Variants in NALF1 observed in about 807,000 individuals in gnomAD.
NALF1 encodes NALCN channel auxiliary factor 1, also known as family with sequence similarity 155 member A.
A neutral mutation model predicts 48.4 loss-of-function variants in NALF1; 3 were observed. The observed-to-expected ratio is 0.06, with a 90% confidence interval of 0.03 to 0.16. The LOEUF (loss-of-function observed/expected upper bound fraction) is 0.16, where lower values mean the gene tolerates loss of function less well. NALF1 is among the 10% of genes least tolerant of loss of function. The pLI is 1.00. For synonymous variants in NALF1, 262 were observed against 245.7 expected (o/e 1.07, Z -0.62); for missense variants, 526 against 571.5 (o/e 0.92, Z 0.81).
At chr13:107,412,345 T>A (rs982684631) in intron 1 of NALF1, among the ~76,000 whole-genome samples, 3 of 152,262 alleles carry the variant, frequency 2.0e-5, no homozygotes, top group African/African-American at 7.2e-5. Flanking sequence ...TAATAGTAAT[T>A]TTTTTAAAAA....
intron 1 of NALF1, among the ~76,000 whole-genome samples, chr13:107,617,027 A>C (rs2038731): frequency 2.0e-5 from 3 of 152,192 alleles, no homozygotes; most frequent in Non-Finnish European, 4.4e-5. Context: ...TATATAAAAT[A>C]GTGTTTTTCC....
At chr13:107,579,861 A>G (rs1381981699) in intron 1 of NALF1, among the ~76,000 whole-genome samples, 1 of 151,932 alleles carries the variant, frequency 6.6e-6, no homozygotes, top group African/African-American at 2.4e-5. Flanking sequence ...ACTGTAAACT[A>G]GTTCAACCAT....
chr13:107,238,966 A>G (rs1440686961), intron 1 of NALF1, among the ~76,000 whole-genome samples: 2 of 152,160 alleles, frequency 1.3e-5, no homozygotes, highest in Non-Finnish European at 1.5e-5. Context: ...GTGCAAGATT[A>G]TAGAAAGAGA....
chr13:107,650,580 G>A (rs1261081047), intron 1 of NALF1, among the ~76,000 whole-genome samples: 1 of 151,856 alleles, frequency 6.6e-6, no homozygotes, highest in Non-Finnish European at 1.5e-5. Flanking sequence ...GGTGACTTGG[G>A]GAGAAGAAGA....
At chr13:107,347,408 ACT>A (rs1310317304) in intron 1 of NALF1, among the ~76,000 whole-genome samples, 3 of 152,018 alleles carry the variant, frequency 2.0e-5, no homozygotes, top group Non-Finnish European at 1.5e-5. Flanking sequence ...ACAGGTCTAA[ACT>A]CTCTGCTTTC....
chr13:107,516,254 A>G (rs1876047054), intron 1 of NALF1, among the ~76,000 whole-genome samples: 2 of 152,180 alleles, frequency 1.3e-5, no homozygotes, highest in Admixed American at 1.3e-4. Flanking sequence ...GAGAACGCAG[A>G]CGTGGAGAAA....
chr13:107,240,521 A>G (rs1185035521), intron 1 of NALF1, among the ~76,000 whole-genome samples: 1 of 152,202 alleles, frequency 6.6e-6, no homozygotes, highest in Non-Finnish European at 1.5e-5. Context: ...GTGGTTATCT[A>G]TTATCATTTG....
chr13:107,741,775 A>C (rs565361114), intron 1 of NALF1, among the ~76,000 whole-genome samples: 5 of 152,286 alleles, frequency 3.3e-5, no homozygotes, highest in African/African-American at 1.2e-4. Flanking sequence ...TTGGCTCATG[A>C]GGACCTCTGA....
At chr13:107,652,882 T>C (rs968913005) in intron 1 of NALF1, among the ~76,000 whole-genome samples, 1 of 152,154 alleles carries the variant, frequency 6.6e-6, no homozygotes, top group African/African-American at 2.4e-5. Flanking sequence ...TATGGAAACA[T>C]CAATGATTAG....
At chr13:107,191,962 A>G (rs1000958882) in intron 2 of NALF1, among the ~76,000 whole-genome samples, 12 of 151,420 alleles carry the variant, frequency 7.9e-5, no homozygotes, top group Non-Finnish European at 1.6e-4. Flanking sequence ...GATTACAGGC[A>G]TAAGCCACTG....
At chr13:107,357,025 G>C (rs1193380459) in intron 1 of NALF1, among the ~76,000 whole-genome samples, 1 of 152,108 alleles carries the variant, frequency 6.6e-6, no homozygotes, top group African/African-American at 2.4e-5. Context: ...CACATCAAGA[G>C]GGAAAGGAGG....
chr13:107,487,386 C>T (rs1885346218), intron 1 of NALF1, among the ~76,000 whole-genome samples: 3 of 152,060 alleles, frequency 2.0e-5, no homozygotes, highest in Admixed American at 2.0e-4. Flanking sequence ...AAGGTACTTA[C>T]AAATAAATAG....
chr13:107,653,605 T>C (rs1021987141), intron 1 of NALF1, among the ~76,000 whole-genome samples: 2 of 152,030 alleles, frequency 1.3e-5, no homozygotes, highest in African/African-American at 4.8e-5. Flanking sequence ...AGGCCATCCC[T>C]GAATAGAATA....
At chr13:107,244,444 G>A (rs952115558) in intron 1 of NALF1, among the ~76,000 whole-genome samples, 16 of 152,142 alleles carry the variant, frequency 1.1e-4, no homozygotes, top group Non-Finnish European at 1.9e-4. Flanking sequence ...ATTTGTTTTC[G>A]TCTGAAAGAC....
intron 1 of NALF1, among the ~76,000 whole-genome samples, chr13:107,717,880 CT>C (rs1343727412): frequency 6.6e-6 from 1 of 152,142 alleles, no homozygotes; most frequent in East Asian, 1.9e-4. Context: ...TTCAACTTTT[CT>C]TTTTTCTTCG....
At chr13:107,482,851 A>G (rs1885274689) in intron 1 of NALF1, among the ~76,000 whole-genome samples, 1 of 152,150 alleles carries the variant, frequency 6.6e-6, no homozygotes, top group Non-Finnish European at 1.5e-5. Flanking sequence ...TGAATAATAA[A>G]TTTTAATATG....
At chr13:107,307,177 G>C (rs972756456) in intron 1 of NALF1, among the ~76,000 whole-genome samples, 6 of 152,202 alleles carry the variant, frequency 3.9e-5, no homozygotes, top group African/African-American at 1.2e-4. Flanking sequence ...GTGCCCACAA[G>C]TGAATGAAGT....
intron 1 of NALF1, among the ~76,000 whole-genome samples, chr13:107,345,495 A>C (rs1218989755): frequency 2.0e-5 from 3 of 152,194 alleles, no homozygotes; most frequent in Non-Finnish European, 4.4e-5. Flanking sequence ...GCCCAGGAAT[A>C]AACTCTTGTA....
intron 1 of NALF1, among the ~76,000 whole-genome samples, chr13:107,348,443 T>C (rs1443123891): frequency 1.3e-5 from 2 of 152,222 alleles, no homozygotes; most frequent in Non-Finnish European, 2.9e-5. Context: ...TTTAAAATTT[T>C]ACTTTAACTT....
Sources: gnomAD v4.1 joint callset for allele counts (sites outside exome capture counted in the v4.1 genomes callset) on GRCh38, gnomAD v4.1.1 for gene constraint, MANE v1.5 for transcripts, NCBI Gene and HGNC (gene_info 2026-07-23, HGNC 2026-07-21) for gene names.